The following MTHFD2L variants were observed in gnomAD, a reference collection of about 807,000 sequenced individuals.
MTHFD2L encodes methylenetetrahydrofolate dehydrogenase (NADP+ dependent) 2 like.
In MTHFD2L, 29 loss-of-function variants were observed where a neutral mutation model predicts 34.9. That is an observed-to-expected ratio of 0.83 (90% CI 0.62 to 1.13). The LOEUF is 1.13. Ranked by LOEUF, MTHFD2L falls within the 50% of genes most tolerant of loss-of-function variation. MTHFD2L has a pLI of 0.00. For synonymous variants in MTHFD2L, 167 were observed against 155.7 expected, an observed-to-expected ratio of 1.07 and a Z score of -0.54; for missense variants, 481 against 446.5, an observed-to-expected ratio of 1.08 and a Z score of -0.70.
chr4:74,227,977 T>C (rs1262759143), intron 6 of MTHFD2L, among the ~76,000 whole-genome samples: 1 of 152,228 alleles, frequency 6.6e-6, no homozygotes, highest in Non-Finnish European at 1.5e-5. Context: ...TAGGCCCTTT[T>C]CTGGAACCTA....
At chr4:74,255,727 A>T (rs1007003139) in intron 6 of MTHFD2L, among the ~76,000 whole-genome samples, 1 of 152,080 alleles carries the variant, frequency 6.6e-6, no homozygotes, top group East Asian at 1.9e-4. Context: ...TCCCCCTTTT[A>T]TTAATAAATA....
At chr4:74,265,166 T>G (rs533852801) in intron 6 of MTHFD2L, among the ~76,000 whole-genome samples, 6 of 152,304 alleles carry the variant, frequency 3.9e-5, no homozygotes, top group Middle Eastern at 6.8e-3. Context: ...ATCTATGGTT[T>G]GGTGGGGGAT....
chr4:74,199,745 C>T (rs1327405455), intron 3 of MTHFD2L, 49 bp from the exon 4 acceptor site: 6 of 1,501,514 alleles, frequency 4.0e-6, no homozygotes, highest in Admixed American at 3.8e-5. Context: ...TTTCAGGCTA[C>T]CAAATAAATA....
At chr4:74,297,335 A>G (rs1749753745) in intron 7 of MTHFD2L, among the ~76,000 whole-genome samples, 2 of 152,060 alleles carry the variant, frequency 1.3e-5, no homozygotes, top group African/African-American at 4.8e-5. Flanking sequence ...GTCTAAAATC[A>G]TGTTGACTTT....
At chr4:74,168,163 G>A (rs1036677361) in intron 1 of MTHFD2L, among the ~76,000 whole-genome samples, 1 of 152,132 alleles carries the variant, frequency 6.6e-6, no homozygotes, top group Non-Finnish European at 1.5e-5. Flanking sequence ...AAATGGCTTC[G>A]TGTCTCACAG....
chr4:74,163,906 T>C (rs986181454), intron 1 of MTHFD2L, among the ~76,000 whole-genome samples: 7 of 152,190 alleles, frequency 4.6e-5, no homozygotes, highest in African/African-American at 1.4e-4. Flanking sequence ...GGCAGAGTCT[T>C]GCTCTGTCAC....
chr4:74,268,036 C>G, intron 6 of MTHFD2L: 1 of 985,042 alleles, frequency 1.0e-6, no homozygotes, highest in Non-Finnish European at 1.2e-6. Context: ...ATAGGCATAT[C>G]TGTTCAGATA....
chr4:74,218,217 G>A (rs1737528226), intron 5 of MTHFD2L, among the ~76,000 whole-genome samples: 1 of 151,934 alleles, frequency 6.6e-6, no homozygotes, highest in African/African-American at 2.4e-5. Context: ...TAGAATGCTT[G>A]TGAAATCTTT....
intron 5 of MTHFD2L, among the ~76,000 whole-genome samples, chr4:74,218,818 A>G (rs891807773): frequency 8.5e-5 from 13 of 152,098 alleles, no homozygotes; most frequent in African/African-American, 3.1e-4. Flanking sequence ...TTTTTACACA[A>G]TAAAAAACAT....
chr4:74,301,815 A>G lies in MTHFD2L; in HGVS notation c.*6A>G, dbSNP rs113606710. ...CTAAAAAAATCATTTACTAGATCACATGAAAGGATAAAGCAAACTGAAGTC... is the reference window on the plus strand; with the variant it reads ...CTAAAAAAATCATTTACTAGATCACGTGAAAGGATAAAGCAAACTGAAGTC... On this transcript the variant is annotated 3_prime_UTR_variant, in exon 8 of 8. Transcript: ENST00000325278. 1.7e-3 allele frequency: 2,747 copies of G among 1,571,322 alleles called. 58 individuals are homozygous for G. In the African/African-American group the frequency reaches 0.033, roughly 19 times the overall value.
chr4:74,257,847 ATAAG>A (rs1198613485), intron 6 of MTHFD2L, among the ~76,000 whole-genome samples: 1 of 152,194 alleles, frequency 6.6e-6, no homozygotes, highest in East Asian at 1.9e-4. Context: ...CCCAAAATAT[ATAAG>A]TAAGTCATAC....
chr4:74,197,961 G>T (rs945866596), intron 3 of MTHFD2L, among the ~76,000 whole-genome samples: 1 of 152,050 alleles, frequency 6.6e-6, no homozygotes, highest in Non-Finnish European at 1.5e-5. Context: ...TTGGTTTTCT[G>T]GATTTTTATG....
upstream of MTHFD2L, among the ~76,000 whole-genome samples, chr4:74,155,385 C>A (rs956733144): frequency 6.6e-6 from 1 of 152,110 alleles, no homozygotes; most frequent in Non-Finnish European, 1.5e-5. Context: ...ACATGATTTT[C>A]ATGCATATAA....
intron 5 of MTHFD2L, among the ~76,000 whole-genome samples, chr4:74,218,677 G>C (rs1018097975): frequency 4.0e-5 from 6 of 150,592 alleles, no homozygotes; most frequent in Non-Finnish European, 8.8e-5. Flanking sequence ...GTTTGTTCTA[G>C]CTTTGTTTTT....
At chr4:74,248,963 T>A (rs1578611670) in intron 6 of MTHFD2L, among the ~76,000 whole-genome samples, 1 of 151,270 alleles carries the variant, frequency 6.6e-6, no homozygotes, top group Non-Finnish European at 1.5e-5. Context: ...TTCTGTTGAT[T>A]TGGGGTGGAG....
At chr4:74,275,967 C>T (rs1414768282) in intron 6 of MTHFD2L, among the ~76,000 whole-genome samples, 1 of 152,070 alleles carries the variant, frequency 6.6e-6, no homozygotes, top group African/African-American at 2.4e-5. Context: ...TCCCATTTGT[C>T]GTTTTTAGCT....
upstream of MTHFD2L, chr4:74,125,290 G>A (rs934971981): frequency 6.6e-6 from 1 of 152,126 alleles, no homozygotes; most frequent in African/African-American, 2.4e-5. Context: ...AAAAGTAAGT[G>A]GGGTTCCTGC....
At chr4:74,189,496 T>C (rs899258486) in intron 3 of MTHFD2L, among the ~76,000 whole-genome samples, 1 of 148,358 alleles carries the variant, frequency 6.7e-6, no homozygotes, top group Non-Finnish European at 1.5e-5. Context: ...TTTTTTTTTT[T>C]TTTTTTTTTT....
At chr4:74,158,366 C>T (rs1724631858) in intron 1 of MTHFD2L, 85 bp downstream of exon 1, 2 of 1,031,378 alleles carry the variant, frequency 1.9e-6, no homozygotes, top group Non-Finnish European at 2.4e-6. Flanking sequence ...CGCGTGGGGC[C>T]CAAGGCTCGT....
Sources: allele counts gnomAD v4.1 joint callset (sites outside exome capture counted in the v4.1 genomes callset), GRCh38; gene constraint gnomAD v4.1.1; transcripts MANE v1.5; gene names NCBI Gene and HGNC (gene_info 2026-07-23, HGNC 2026-07-21).